The following C10orf67 variants were observed in gnomAD, a reference collection of about 807,000 sequenced individuals.
The protein encoded by C10orf67 is uncharacterized protein C10orf67, mitochondrial.
C10orf67 carries 60 observed loss-of-function variants against 35.6 expected under a neutral mutation model. That is an observed-to-expected ratio of 1.68 (90% CI 1.37 to 2.09). C10orf67 has a LOEUF of 2.09. Ranked by LOEUF, C10orf67 falls within the 30% of genes most tolerant of loss-of-function variation. The pLI, the probability that C10orf67 is intolerant of heterozygous loss-of-function variation, is 0.00. For missense variants in C10orf67, 474 were observed against 330.2 expected, an observed-to-expected ratio of 1.44 and a Z score of -3.38; for synonymous variants, 167 against 115.8, an observed-to-expected ratio of 1.44 and a Z score of -2.84.
At chr10:23,249,131 CAAAAAAAA>C (rs57702096) in intron 12 of C10orf67, among the ~76,000 whole-genome samples, 5 of 21,548 alleles carry the variant, frequency 2.3e-4, no homozygotes, top group Admixed American at 1.4e-3. Flanking sequence ...AACTCCCTCT[CAAAAAAAA>C]AAAAAAAAAA....
intron 5 of C10orf67, among the ~76,000 whole-genome samples, chr10:23,296,994 A>G (rs1843899160): frequency 6.6e-6 from 1 of 152,170 alleles, no homozygotes; most frequent in African/African-American, 2.4e-5. Flanking sequence ...AGTAATTTCC[A>G]TTGGTTAGCT....
intron 7 of C10orf67, among the ~76,000 whole-genome samples, chr10:23,285,832 C>G (rs1041479094): frequency 1.3e-5 from 2 of 152,126 alleles, no homozygotes; most frequent in African/African-American, 4.8e-5. Context: ...AACTTAGTTC[C>G]TCACTTGCAC....
chr10:23,311,279 G>C (rs935746504), intron 4 of C10orf67, among the ~76,000 whole-genome samples: 9 of 152,154 alleles, frequency 5.9e-5, no homozygotes, highest in African/African-American at 9.7e-5. Flanking sequence ...CTAATCATGT[G>C]ACCACTTGTC....
chr10:23,236,385 T>C (rs964931974), intron 13 of C10orf67, among the ~76,000 whole-genome samples: 1 of 149,720 alleles, frequency 6.7e-6, no homozygotes, highest in African/African-American at 2.5e-5. Context: ...TGAGACGAGA[T>C]CGTGCCACTG....
intron 13 of C10orf67, among the ~76,000 whole-genome samples, chr10:23,237,274 C>A (rs1166110706): frequency 6.6e-6 from 1 of 152,076 alleles, no homozygotes; most frequent in African/African-American, 2.4e-5. Flanking sequence ...TTTTCTTTGT[C>A]CAGTCTACCA....
chr10:23,307,955 A>G (rs1844348950), intron 4 of C10orf67, among the ~76,000 whole-genome samples: 1 of 152,136 alleles, frequency 6.6e-6, no homozygotes, highest in Admixed American at 6.6e-5. Flanking sequence ...GATTATGTAT[A>G]TCTAGTCTTT....
intron 1 of C10orf67, among the ~76,000 whole-genome samples, chr10:23,340,437 T>G (rs1412625807): frequency 6.6e-6 from 1 of 151,874 alleles, no homozygotes; most frequent in East Asian, 1.9e-4. Flanking sequence ...AGAGGATCCC[T>G]TGAGCTCAGA....
intron 4 of C10orf67, chr10:23,317,091 C>A (rs1844748175): frequency 6.6e-6 from 1 of 152,394 alleles, no homozygotes; most frequent in African/African-American, 2.4e-5. Context: ...CCAAGGGACA[C>A]CTGCAGGCCT....
chr10:23,205,615 A>G (rs1841136985), intron 15 of C10orf67, among the ~76,000 whole-genome samples: 1 of 152,214 alleles, frequency 6.6e-6, no homozygotes, highest in African/African-American at 2.4e-5. Context: ...AGTCTATTAG[A>G]AATCAGCAGA....
intron 13 of C10orf67, among the ~76,000 whole-genome samples, chr10:23,231,270 C>A (rs1841908619): frequency 6.6e-6 from 1 of 152,160 alleles, no homozygotes; most frequent in South Asian, 2.1e-4. Context: ...TAGGATCAGA[C>A]CTGTGGGACA....
At chr10:23,221,510 G>A (rs1841580025) in intron 15 of C10orf67, among the ~76,000 whole-genome samples, 2 of 152,264 alleles carry the variant, frequency 1.3e-5, no homozygotes, top group South Asian at 4.1e-4. Context: ...ACTCAACCTT[G>A]TAAAGTACTT....
intron 2 of C10orf67, among the ~76,000 whole-genome samples, chr10:23,324,477 A>G (rs1388668692): frequency 1.3e-5 from 2 of 152,178 alleles, no homozygotes; most frequent in Non-Finnish European, 2.9e-5. Context: ...TACGGGAAAC[A>G]ATTACACATC....
chr10:23,268,902 T>G (rs1842949648), intron 8 of C10orf67, among the ~76,000 whole-genome samples: 1 of 152,222 alleles, frequency 6.6e-6, no homozygotes, highest in Non-Finnish European at 1.5e-5. Flanking sequence ...CTAAACATAT[T>G]CAAACATAGA....
intron 4 of C10orf67, among the ~76,000 whole-genome samples, chr10:23,315,819 T>A (rs187246017): frequency 6.6e-6 from 1 of 151,968 alleles, no homozygotes; most frequent in East Asian, 1.9e-4. Context: ...ATTAAATGCA[T>A]CTTTTTTTTT....
At chr10:23,344,029 A>G in intron 1 of C10orf67, 2 of 383,966 alleles carry the variant, frequency 5.2e-6, no homozygotes, top group South Asian at 3.8e-5. Flanking sequence ...CCTCCCGCGG[A>G]GCCGCTCGCT....
intron 9 of C10orf67, 37 bp from the exon 10 acceptor site, chr10:23,266,463 T>C: frequency 2.5e-6 from 1 of 398,396 alleles, no homozygotes. Context: ...TTATTCTCAT[T>C]TTGTTTCTTG....
chr10:23,273,951 A>C (rs1234587076), intron 8 of C10orf67, among the ~76,000 whole-genome samples: 2 of 152,270 alleles, frequency 1.3e-5, no homozygotes, highest in South Asian at 2.1e-4. Context: ...ATTTTCCCCA[A>C]GTGTTGGCCA....
rs189980400 is a variant in C10orf67 at position 23,274,582 on chromosome 10, G to A, written c.976-7328C>T. On this transcript the variant is annotated intron_variant, in intron 8 of 15. Transcript: ENST00000636213. ...ATATGGCTCTATTCTGCCCGACCCC[G>A]CAGGCTGTCAGACCTTATGGTTATC... Among the ~76,000 whole-genome samples the A allele has an allele frequency of 8.9e-4, 135 of 152,188 alleles. 2 individuals carry two copies. The highest frequency in any genetic ancestry group is 2.9e-3 in the Admixed American group (45 of 15,290).
At chr10:23,221,353 C>A (rs551630964) in intron 15 of C10orf67, among the ~76,000 whole-genome samples, 13 of 152,260 alleles carry the variant, frequency 8.5e-5, no homozygotes, top group East Asian at 1.9e-4. Flanking sequence ...TCCCACCAGG[C>A]CCCTTCTCCA....
Sources: allele counts gnomAD v4.1 joint callset (sites outside exome capture counted in the v4.1 genomes callset), GRCh38; gene constraint gnomAD v4.1.1; transcripts MANE v1.5; gene names NCBI Gene and HGNC (gene_info 2026-07-23, HGNC 2026-07-21).